The following AIG1 variants were observed in gnomAD, a reference collection of about 807,000 sequenced individuals.
The protein encoded by AIG1 is androgen-induced gene 1 protein.
Under a neutral mutation model 31.4 loss-of-function variants are expected in AIG1, and 23 were observed. The observed-to-expected ratio is 0.73, with a 90% CI of 0.53 to 1.04. AIG1 has a LOEUF of 1.04. Ranked by LOEUF, AIG1 falls within the 50% of genes least tolerant of loss-of-function variation. AIG1 has a pLI of 0.00. For missense variants in AIG1, 274 were observed against 295.0 expected (o/e 0.93, Z 0.52); for synonymous variants, 100 against 110.5 (o/e 0.90, Z 0.60).
chr6:143,271,208 C>A (rs1408645535), intron 3 of AIG1, among the ~76,000 whole-genome samples: 1 of 152,222 alleles, frequency 6.6e-6, no homozygotes, highest in Non-Finnish European at 1.5e-5. Context: ...CATGCCAGTG[C>A]ATCCCAGCTC....
At chr6:143,107,531 AG>A (rs1780910756) in intron 1 of AIG1, among the ~76,000 whole-genome samples, 1 of 152,166 alleles carries the variant, frequency 6.6e-6, no homozygotes, top group Admixed American at 6.5e-5. Context: ...ACTAGAATAA[AG>A]CTTCCTTCAT....
At chr6:143,240,055 A>G (rs1416812436) in intron 3 of AIG1, among the ~76,000 whole-genome samples, 2 of 152,224 alleles carry the variant, frequency 1.3e-5, no homozygotes, top group Non-Finnish European at 2.9e-5. Context: ...ATTGAAACCA[A>G]TTATGAAAGA....
rs993017951 is a variant in AIG1 at position 143,258,886 on chromosome 6, A to G, written c.400-25224A>G. 5.9e-5 allele frequency among the ~76,000 whole-genome samples: 9 copies of G among 152,210 alleles called. No homozygotes were observed. Among genetic ancestry groups the G allele is most frequent in the African/African-American group, 2.2e-4 (9 of 41,458 alleles). ...CTCGTGCAGGAATGGATTAGTTACC[A>G]TGAGAGCAGTCAGACTCTTTTTAAC... On this transcript the variant is annotated intron_variant, in intron 3 of 5. Transcript: ENST00000357847. This position sits in a 1 kb window ranked among gnomAD's most constrained non-coding sequence, Gnocchi z 4.7.
At chr6:143,079,980 T>C (rs1159745099) in intron 1 of AIG1, among the ~76,000 whole-genome samples, 1 of 152,202 alleles carries the variant, frequency 6.6e-6, no homozygotes, top group East Asian at 1.9e-4. Context: ...TAGCCTAATT[T>C]GTATTTTAGT....
intron 3 of AIG1, among the ~76,000 whole-genome samples, chr6:143,215,104 T>C (rs1791924516): frequency 6.6e-6 from 1 of 152,322 alleles, no homozygotes; most frequent in Middle Eastern, 3.4e-3. Context: ...TTGTAGGTGC[T>C]CCGTAGGTCT....
At chr6:143,228,962 C>A (rs1793226392) in intron 3 of AIG1, among the ~76,000 whole-genome samples, 1 of 152,224 alleles carries the variant, frequency 6.6e-6, no homozygotes, top group Admixed American at 6.5e-5. Flanking sequence ...TGGCTAAGAT[C>A]TTTTTGGCAG....
chr6:143,258,989 G>C lies in AIG1; in HGVS notation c.400-25121G>C, dbSNP rs1382348968. Among the ~76,000 whole-genome samples, 2 of 152,194 alleles carry C rather than the reference G, an allele frequency of 1.3e-5. No homozygotes were observed. Among genetic ancestry groups the C allele is most frequent in the Admixed American group, 6.5e-5 (1 of 15,286 alleles). On this transcript the variant is annotated intron_variant, in intron 3 of 5. Coordinates refer to ENST00000357847, the MANE Select transcript of AIG1 (RefSeq NM_016108.4). The surrounding 1 kb of genome is among the most constrained non-coding windows in gnomAD (Gnocchi z 4.7). ...CTTGGCAAAACCATTTCCAGCAGATGATGGGGGCAGAAGACAAAAGGGCAG... is the reference window on the plus strand; with the variant it reads ...CTTGGCAAAACCATTTCCAGCAGATCATGGGGGCAGAAGACAAAAGGGCAG...
At chr6:143,138,176 C>T (rs188910923) in intron 2 of AIG1, among the ~76,000 whole-genome samples, 21 of 152,342 alleles carry the variant, frequency 1.4e-4, no homozygotes, top group Admixed American at 1.2e-3. Context: ...CTCATTCCCT[C>T]ATCCTTGTCC....
At chr6:143,231,850 G>C (rs1294763575) in intron 3 of AIG1, among the ~76,000 whole-genome samples, 1 of 152,174 alleles carries the variant, frequency 6.6e-6, no homozygotes, top group Admixed American at 6.5e-5. Flanking sequence ...GTGTTTGATA[G>C]CATACGTATA....
intron 1 of AIG1, among the ~76,000 whole-genome samples, chr6:143,072,731 A>G (rs1777404094): frequency 6.6e-6 from 1 of 152,154 alleles, no homozygotes; most frequent in Admixed American, 6.5e-5. Flanking sequence ...CTTTTTTCCA[A>G]ATTTTTAAAA....
chr6:143,214,120 T>A (rs1791820913), intron 3 of AIG1, among the ~76,000 whole-genome samples: 1 of 152,196 alleles, frequency 6.6e-6, no homozygotes, highest in African/African-American at 2.4e-5. Context: ...ACTTGCCTCA[T>A]AAAGTAACAG....
At position 143,325,438 on chromosome 6, in the gene AIG1, C is replaced by T. The variant is rs1200128494; in HGVS notation, c.516-7844C>T. On this transcript the variant is annotated intron_variant, in intron 4 of 5. Transcript: ENST00000357847. This position sits in a 1 kb window ranked among gnomAD's most constrained non-coding sequence, Gnocchi z 4.3. ...TTCTTCAAAGTCCAAATCCATAGAACTGACTGCCTTCAGAACATCTCCACT... is the reference window on the plus strand; with the variant it reads ...TTCTTCAAAGTCCAAATCCATAGAATTGACTGCCTTCAGAACATCTCCACT... Among the ~76,000 whole-genome samples the T allele has an allele frequency of 1.3e-5, 2 of 152,178 alleles. No individual in the cohort carries two copies. Among genetic ancestry groups the T allele is most frequent in the African/African-American group, 4.8e-5 (2 of 41,456 alleles).
rs143454606 is a variant in AIG1, at chr6:143,090,392, T to A, written c.141+29326T>A. 3.9e-5 allele frequency among the ~76,000 whole-genome samples: 6 copies of A among 152,330 alleles called. No individual in the cohort carries two copies. In the East Asian group the frequency reaches 1.2e-3, roughly 29 times the overall value. ...AAAAGATAAGTATGAAAATTCATTA[T>A]AATATCAAAAACTTAGAATTTATAG... is the stretch of plus-strand genomic sequence containing the variant. On this transcript the variant is annotated intron_variant, in intron 1 of 5. Transcript: ENST00000357847.
intron 1 of AIG1, among the ~76,000 whole-genome samples, chr6:143,084,789 A>C (rs971878593): frequency 6.6e-6 from 1 of 152,130 alleles, no homozygotes; most frequent in Admixed American, 6.5e-5. Flanking sequence ...GCTTTCTCCT[A>C]GTTTCCCTTA....
At chr6:143,188,316 A>C (rs1008880993) in intron 3 of AIG1, 4 of 985,854 alleles carry the variant, frequency 4.1e-6, no homozygotes, top group Non-Finnish European at 4.8e-6. Context: ...AGTTGTTGCT[A>C]TACAGTTTTC....
chr6:143,125,117 T>C (rs1188895616), intron 1 of AIG1, among the ~76,000 whole-genome samples: 1 of 152,250 alleles, frequency 6.6e-6, no homozygotes, highest in Non-Finnish European at 1.5e-5. Context: ...AGTTAAATTA[T>C]CTTCTGTTGA....
intron 2 of AIG1, among the ~76,000 whole-genome samples, chr6:143,160,289 A>C (rs1209653988): frequency 6.6e-6 from 1 of 152,232 alleles, no homozygotes; most frequent in Non-Finnish European, 1.5e-5. Context: ...CCCATTAATC[A>C]ATAAAGCTTC....
intron 2 of AIG1, among the ~76,000 whole-genome samples, chr6:143,154,083 C>G (rs1275691457): frequency 6.6e-6 from 1 of 151,938 alleles, no homozygotes; most frequent in Non-Finnish European, 1.5e-5. Context: ...AACTCTGTCT[C>G]TACTCCCCTC....
chr6:143,241,816 C>T (rs9484714), intron 3 of AIG1, among the ~76,000 whole-genome samples: 81,993 of 152,050 alleles, frequency 0.54, 23,156 homozygotes, highest in East Asian at 0.86. Context: ...AAGTGGAAAA[C>T]TTCACATGGA....
Sources: allele counts gnomAD v4.1 joint callset (sites outside exome capture counted in the v4.1 genomes callset), GRCh38; gene constraint gnomAD v4.1.1; non-coding constraint Gnocchi (gnomAD v3.1); transcripts MANE v1.5; gene names NCBI Gene and HGNC (gene_info 2026-07-23, HGNC 2026-07-21).